The following POLE2 variants were observed in gnomAD, a reference collection of about 807,000 sequenced individuals.
POLE2 encodes DNA polymerase epsilon 2, accessory subunit, also known as DNA polymerase epsilon subunit 2.
In POLE2, 56 loss-of-function variants were observed where a neutral mutation model predicts 79.4. The ratio of observed to expected loss-of-function variants is 0.71; its 90% CI spans 0.57 to 0.88. The LOEUF is 0.88. Among genes scored for constraint, POLE2 ranks in the 40% least tolerant of loss-of-function variants. POLE2 has a pLI of 0.00. For synonymous variants in POLE2, 212 were observed against 214.0 expected, an observed-to-expected ratio of 0.99 and a Z score of 0.08; for missense variants, 598 against 638.9, an observed-to-expected ratio of 0.94 and a Z score of 0.69.
chr14:49,656,955 A>C (rs1884725262), intron 10 of POLE2, among the ~76,000 whole-genome samples: 1 of 152,100 alleles, frequency 6.6e-6, no homozygotes, highest in Non-Finnish European at 1.5e-5. Context: ...TCTATTAAAA[A>C]TGTGAAAATT....
intron 11 of POLE2, among the ~76,000 whole-genome samples, chr14:49,655,458 A>AACACACACACACAC (rs35575577): frequency 0.011 from 1,530 of 143,460 alleles, 28 homozygotes; most frequent in African/African-American, 0.037. Flanking sequence ...CATGACTATA[A>AACACACACACACAC]ACACACACAC....
At chr14:49,674,084 T>C (rs1324023944) in intron 5 of POLE2, 39 bp downstream of exon 5, 3 of 1,106,932 alleles carry the variant, frequency 2.7e-6, no homozygotes, top group Non-Finnish European at 2.8e-6. Flanking sequence ...TTCTCTCATT[T>C]TACCCAGTAT....
intron 3 of POLE2, chr14:49,677,680 C>A: frequency 3.6e-6 from 4 of 1,122,068 alleles, no homozygotes; most frequent in Non-Finnish European, 5.1e-6. Context: ...AAGGCCCTTA[C>A]GAAATGGTGT....
intron 3 of POLE2, chr14:49,677,570 A>C (rs1886374719): frequency 2.1e-6 from 1 of 482,184 alleles, no homozygotes; most frequent in South Asian, 3.1e-5. Flanking sequence ...ACCATCTCCT[A>C]CTGAGCCCTA....
At position 49,663,387 on chromosome 14, in the gene POLE2, C is replaced by A. The variant is rs1885231579; in HGVS notation, c.683G>T (p.Gly228Val). The stretch of plus-strand genomic sequence containing the variant: ...ATGAAACACTTGATCTTCAAACCAA[C>A]CTGAAAAAAAGTAACGTCACTTTCA... ...YTEACFVLAEGWFEDQVFHVN... is the reference protein window; with the variant it reads ...YTEACFVLAEVWFEDQVFHVN... The change falls in exon 10 of 19, where the codon GGT (glycine) becomes GTT (valine). Residue 228 changes from glycine (G) to valine (V), a missense_variant and splice_region_variant. Physicochemically the swap from Gly to Val is moderately radical, Grantham distance 109. Transcript: ENST00000216367. The A allele has an allele frequency of 5.6e-6, 9 of 1,604,730 alleles. No individual in the cohort carries two copies. The highest frequency in any genetic ancestry group is 1.3e-5 in the African/African-American group (1 of 74,566).
intron 3 of POLE2, among the ~76,000 whole-genome samples, chr14:49,676,510 A>G (rs1886285464): frequency 6.6e-6 from 1 of 152,248 alleles, no homozygotes. Context: ...GTATGATATA[A>G]TGACTCTCTG....
At chr14:49,686,607 G>C (rs1887155165) in intron 1 of POLE2, among the ~76,000 whole-genome samples, 1 of 152,146 alleles carries the variant, frequency 6.6e-6, no homozygotes, top group Admixed American at 6.5e-5. Flanking sequence ...TTTAAATTGT[G>C]GGGTAATTTG....
At chr14:49,671,499 C>T (rs1259056503) in intron 5 of POLE2, among the ~76,000 whole-genome samples, 13 of 151,804 alleles carry the variant, frequency 8.6e-5, no homozygotes, top group African/African-American at 2.2e-4. Flanking sequence ...TGCCTATAGT[C>T]CCAGCTACTC....
chr14:49,677,031 A>G (rs1321643917), intron 3 of POLE2, among the ~76,000 whole-genome samples: 1 of 152,214 alleles, frequency 6.6e-6, no homozygotes, highest in Admixed American at 6.6e-5. Flanking sequence ...CATCATTGAC[A>G]ATAGCTATTT....
rs770149933 is a variant in POLE2 at position 49,669,608 on chromosome 14, A to G, written c.418-10T>C. Reference sequence around the variant, plus strand: ...CATGCCTGTGGGTCCTCTATAAAAAAGAAAGATTCACATGAATTCCTGAAA... The same window carrying G: ...CATGCCTGTGGGTCCTCTATAAAAAGGAAAGATTCACATGAATTCCTGAAA... On this transcript the variant is annotated splice_polypyrimidine_tract_variant and intron_variant, in intron 5 of 18. Coordinates refer to ENST00000216367, the MANE Select transcript of POLE2 (RefSeq NM_002692.4). 2.2e-5 allele frequency: 32 copies of G among 1,440,852 alleles called. No individual in the cohort carries two copies. Among genetic ancestry groups the G allele is most frequent in the African/African-American group, 4.2e-5 (3 of 71,524 alleles). The allele number at this position is 1,440,852 out of a possible 1,614,324, so 89.3% of individuals were successfully genotyped here.
intron 2 of POLE2, among the ~76,000 whole-genome samples, chr14:49,680,696 T>C (rs1461459640): frequency 1.3e-5 from 2 of 152,016 alleles, no homozygotes; most frequent in African/African-American, 4.8e-5. Context: ...CTTTGATATG[T>C]TGTCAAGCAA....
At position 49,674,197 on chromosome 14, in the gene POLE2, G is replaced by A; in HGVS notation, c.343C>T (p.Pro115Ser). ...KFLPLLMTNHPAPNLFGTPRD... is the reference protein window; with the variant it reads ...KFLPLLMTNHSAPNLFGTPRD... Reference sequence around the variant, plus strand: ...GGTGTTCCAAATAAATTTGGTGCAGGGTGGTTGGTCATTAACAGACTAGAA... The same window carrying A: ...GGTGTTCCAAATAAATTTGGTGCAGAGTGGTTGGTCATTAACAGACTAGAA... Residue 115 changes from proline (P) to serine (S), a missense_variant, in exon 5 of 19, where the codon CCT becomes TCT. Physicochemically the swap from Pro to Ser is moderately conservative, Grantham distance 74. Transcript: ENST00000216367. The A allele has an allele frequency of 6.2e-7, 1 of 1,611,998 alleles. No individual in the cohort carries two copies. The highest frequency in any genetic ancestry group is 8.5e-7 in the Non-Finnish European group (1 of 1,178,190).
At position 49,643,601 on chromosome 14, in the gene POLE2, T is replaced by C. The variant is rs3218801; in HGVS notation, c.*51A>G. ...TGTAATATCAGAATCACATAAGATA[T>C]AGAGTTAAGCAGAAAACTGATGAAT... is the stretch of plus-strand genomic sequence containing the variant. On this transcript the variant is annotated 3_prime_UTR_variant, in exon 19 of 19. Transcript: ENST00000216367. 0.2 allele frequency: 191,097 copies of C among 951,042 alleles called. 21,459 individuals are homozygous for C. Among genetic ancestry groups the C allele is most frequent in the Admixed American group, 0.31 (13,132 of 42,336 alleles). The allele number at this position is 951,042 out of a possible 1,614,324, so 58.9% of individuals were successfully genotyped here. A position where few individuals can be genotyped will look rare whatever the true frequency, so the allele number is the denominator to read the frequency against.
intron 1 of POLE2, among the ~76,000 whole-genome samples, chr14:49,687,898 C>T (rs1470706498): frequency 6.6e-6 from 1 of 152,132 alleles, no homozygotes; most frequent in Non-Finnish European, 1.5e-5. Flanking sequence ...CGGGGCTTCA[C>T]CATGTTGGCC....
chr14:49,669,838 T>G (rs1189119366), intron 5 of POLE2, among the ~76,000 whole-genome samples: 1 of 152,194 alleles, frequency 6.6e-6, no homozygotes, highest in Admixed American at 6.5e-5. Context: ...CAGCACATTG[T>G]AGGCTGAGGA....
intron 3 of POLE2, 54 bp downstream of exon 3, chr14:49,679,671 A>C: frequency 1.2e-6 from 1 of 842,064 alleles, no homozygotes; most frequent in Non-Finnish European, 2.0e-6. Flanking sequence ...ATAATTAAAA[A>C]TAAGTGCTCA....
intron 6 of POLE2, among the ~76,000 whole-genome samples, chr14:49,668,001 G>A (rs369941705): frequency 4.6e-5 from 7 of 152,328 alleles, no homozygotes; most frequent in African/African-American, 1.7e-4. Context: ...ACTGGGCGTG[G>A]TGGTTCACGC....
chr14:49,674,297 G>GA (rs1049194977), intron 4 of POLE2, 53 bp downstream of exon 4: 1,619 of 1,434,754 alleles, frequency 1.1e-3, no homozygotes, highest in Non-Finnish European at 1.3e-3. Flanking sequence ...TATACCTTCT[G>GA]AAAAAAAAAG....
intron 13 of POLE2, 163 bp from the exon 14 acceptor site, chr14:49,654,377 A>C: frequency 1.7e-6 from 1 of 599,038 alleles, no homozygotes; most frequent in East Asian, 2.9e-5. Context: ...AACACTGTCT[A>C]GTAATGTCAT....
Sources: allele counts gnomAD v4.1 joint callset (sites outside exome capture counted in the v4.1 genomes callset), GRCh38; gene constraint gnomAD v4.1.1; transcripts MANE v1.5; gene names NCBI Gene and HGNC (gene_info 2026-07-23, HGNC 2026-07-21).